The following CYP3A7 variants were observed in gnomAD, a reference collection of about 807,000 sequenced individuals.
CYP3A7 encodes the protein cytochrome P450 3A7.
CYP3A7 carries 45 observed loss-of-function variants against 55.2 expected under a neutral mutation model. The observed-to-expected ratio is 0.82, with a 90% CI of 0.64 to 1.05. The LOEUF (loss-of-function observed/expected upper bound fraction) is 1.05, where lower values mean the gene tolerates loss of function less well. CYP3A7 is among the 50% of genes least tolerant of loss of function. CYP3A7 has a pLI of 0.00. For missense variants in CYP3A7, 548 were observed against 605.3 expected (o/e 0.91, Z 0.99); for synonymous variants, 180 against 207.4 (o/e 0.87, Z 1.13).
intron 11 of CYP3A7, among the ~76,000 whole-genome samples, chr7:99,708,561 C>T (rs546683298): frequency 6.6e-6 from 1 of 152,160 alleles, no homozygotes; most frequent in South Asian, 2.1e-4. Flanking sequence ...AGATAATTTA[C>T]ACAGGCATAT....
Position 99,707,928 on chromosome 7 carries a change from G to C in CYP3A7, c.1300C>G (p.Pro434Ala). Residue 434 changes from proline (P) to alanine (A), a missense_variant, in exon 12 of 13, where the codon CCC becomes GCC. Pro to Ala is a conservative substitution (Grantham distance 27). Transcript: ENST00000336374. ...CAGTTTCTGGGTCCACTTCCAAAGG[G>C]TGTGTATATGTAAGGATCTATGTTG... is the stretch of plus-strand genomic sequence containing the variant. Reference protein sequence around the residue: ...KDNIDPYIYTPFGSGPRNCIG... With the variant: ...KDNIDPYIYTAFGSGPRNCIG... 3 of 1,613,950 alleles carry C rather than the reference G, an allele frequency of 1.9e-6. No homozygotes were observed. Among genetic ancestry groups the C allele is most frequent in the Non-Finnish European group, 2.5e-6 (3 of 1,179,890 alleles).
rs373559144 is a variant in CYP3A7 at position 99,717,572 on chromosome 7, A to G, written c.386T>C (p.Ile129Thr). 1 of 1,613,750 alleles carries G rather than the reference A, an allele frequency of 6.2e-7. No individual in the cohort carries two copies. Among genetic ancestry groups the G allele is most frequent in the Admixed American group, 1.7e-5 (1 of 59,984 alleles). The part of the protein sequence containing the change: ...SIAEDEEWKR[I>T]RSLLSPTFTS... ...GAATGTTGGAGACAGCAATGATCGT[A>G]TTCTCTTCCATTCTTCATCCTCAGC... The change falls in exon 5 of 13, where the codon ATA becomes ACA. Residue 129 changes from isoleucine to threonine, a missense_variant. By Grantham distance (89) the Ile-to-Thr change is moderately conservative. Transcript: ENST00000336374.
In CYP3A7 at chr7:99,707,809, G is replaced by T; in HGVS notation, c.1416+3C>A. ...ACATTATTAATGCAGAAAATTGACT[G>T]ACCTGTGTTTCTTTACAAGGTTTGA... is the stretch of plus-strand genomic sequence containing the variant. On this transcript the variant is annotated splice_donor_region_variant and intron_variant, in intron 12 of 12. Transcript: ENST00000336374. The T allele has an allele frequency of 1.9e-6, 3 of 1,613,764 alleles. No individual in the cohort carries two copies.
chr7:99,722,450 G>T, intron 2 of CYP3A7, 102 bp from the exon 3 acceptor site: 1 of 1,433,076 alleles, frequency 7.0e-7, no homozygotes, highest in Non-Finnish European at 9.6e-7. Flanking sequence ...AATTAGACTT[G>T]CTGGCAGTTA....
chr7:99,705,448 G>T lies in CYP3A7; in HGVS notation c.*52C>A. 3.2e-6 allele frequency: 5 copies of T among 1,585,336 alleles called. No homozygotes were observed. The South Asian group carries it at 4.4e-5, about 14-fold the overall frequency. On this transcript the variant is annotated 3_prime_UTR_variant, in exon 13 of 13. Coordinates refer to ENST00000336374, the MANE Select transcript of CYP3A7 (RefSeq NM_000765.5). ...TTTGTAAAGTAATTTGAGGTCTCTG[G>T]TGTTCTGGGGCACAGCTTTCTTAAA...
chr7:99,717,690 C>A (rs779051922), intron 4 of CYP3A7, 51 bp from the exon 5 acceptor site: 42 of 1,600,436 alleles, frequency 2.6e-5, no homozygotes, highest in Middle Eastern at 3.3e-4. Context: ...TGGAGGTCTC[C>A]ATGGTTGTAG....
intron 3 of CYP3A7, 93 bp downstream of exon 3, chr7:99,722,203 G>T: frequency 1.3e-6 from 2 of 1,515,822 alleles, no homozygotes; most frequent in Non-Finnish European, 1.8e-6. Flanking sequence ...GAGCTTCATC[G>T]CAAGAGGCTC....
chr7:99,707,076 C>A (rs1486612127), intron 12 of CYP3A7, among the ~76,000 whole-genome samples: 4 of 152,096 alleles, frequency 2.6e-5, no homozygotes, highest in Admixed American at 2.6e-4. Context: ...CTTGGAGGGG[C>A]TTGGGAATTG....
chr7:99,707,967 T>C lies in CYP3A7; in HGVS notation c.1261A>G (p.Lys421Glu), dbSNP rs1813586816. The C allele has an allele frequency of 6.2e-7, 1 of 1,613,882 alleles. No individual in the cohort carries two copies. Among genetic ancestry groups the C allele is most frequent in the Non-Finnish European group, 8.5e-7 (1 of 1,179,794 alleles). ...PEKFLPERFS[K>E]KNKDNIDPYI... Reference sequence around the variant, plus strand: ...GGATCTATGTTGTCCTTGTTCTTTTTACTGAACCTGGTTCCATATTGGTAG... The same window carrying C: ...GGATCTATGTTGTCCTTGTTCTTTTCACTGAACCTGGTTCCATATTGGTAG... Residue 421 changes from lysine (K) to glutamate (E), a missense_variant, in exon 12 of 13, where the codon AAA becomes GAA. Transcript: ENST00000336374.
At chr7:99,711,447 C>T (rs1457593966) in intron 9 of CYP3A7, among the ~76,000 whole-genome samples, 4 of 152,090 alleles carry the variant, frequency 2.6e-5, no homozygotes, top group Non-Finnish European at 5.9e-5. Context: ...AAGTGTGGTC[C>T]GTGGATCATA....
intron 2 of CYP3A7, among the ~76,000 whole-genome samples, chr7:99,727,401 A>G (rs1584522567): frequency 6.6e-6 from 1 of 152,266 alleles, no homozygotes; most frequent in East Asian, 1.9e-4. Context: ...CTCACACCTG[A>G]TGCATATACT....
intron 4 of CYP3A7, among the ~76,000 whole-genome samples, chr7:99,719,850 T>C (rs1584515531): frequency 6.6e-6 from 1 of 152,092 alleles, no homozygotes; most frequent in East Asian, 1.9e-4. Context: ...ATACAAAAAT[T>C]AGTAGGGCGT....
At chr7:99,720,529 A>T in intron 3 of CYP3A7, 117 bp from the exon 4 acceptor site, 1 of 1,131,876 alleles carries the variant, frequency 8.8e-7, no homozygotes, top group Non-Finnish European at 1.3e-6. Flanking sequence ...TGTACAATAC[A>T]CAGTAATCTT....
At chr7:99,717,444 A>G (rs766702937) in intron 5 of CYP3A7, 82 bp downstream of exon 5, 19 of 1,592,924 alleles carry the variant, frequency 1.2e-5, no homozygotes, top group Non-Finnish European at 1.6e-5. Context: ...CTCCTCGGAA[A>G]GGAACTCTGA....
chr7:99,708,924 A>T, intron 11 of CYP3A7, 111 bp downstream of exon 11: 1 of 1,259,820 alleles, frequency 7.9e-7, no homozygotes, highest in African/African-American at 1.5e-5. Flanking sequence ...AACCTTTTAA[A>T]CATAAAAAGA....
intron 2 of CYP3A7, 53 bp downstream of exon 2, chr7:99,731,006 A>G (rs2151534862): frequency 1.9e-6 from 3 of 1,602,100 alleles, no homozygotes; most frequent in Non-Finnish European, 2.6e-6. Flanking sequence ...TGATGGAACT[A>G]AGTTGCTCTT....
chr7:99,708,054 G>T (rs765418485), intron 11 of CYP3A7, 80 bp from the exon 12 acceptor site: 15 of 1,596,264 alleles, frequency 9.4e-6, no homozygotes, highest in Non-Finnish European at 1.3e-5. Flanking sequence ...TCTTACTTAG[G>T]GCCCACCCCT....
chr7:99,727,813 C>G (rs1814469808), intron 2 of CYP3A7, among the ~76,000 whole-genome samples: 1 of 152,172 alleles, frequency 6.6e-6, no homozygotes, highest in African/African-American at 2.4e-5. Flanking sequence ...TATACTGACT[C>G]TAAATGCTGT....
In CYP3A7 at chr7:99,722,295, C is replaced by T. The variant is rs775378849; in HGVS notation, c.218+1G>A. The T allele has an allele frequency of 6.2e-7, 1 of 1,613,622 alleles. No homozygotes were observed. The highest frequency in any genetic ancestry group is 2.2e-5 in the East Asian group (1 of 44,826). On this transcript the variant is annotated splice_donor_variant, in intron 3 of 12. Transcript: ENST00000336374. LOFTEE classifies it high-confidence loss of function. Reference sequence around the variant, plus strand: ...CCAATGGAATCTTCCAGAATACTCACCCCCAGACTTTTCTATACTTTTTAT... The same window carrying T: ...CCAATGGAATCTTCCAGAATACTCATCCCCAGACTTTTCTATACTTTTTAT...
Sources: allele counts gnomAD v4.1 joint callset (sites outside exome capture counted in the v4.1 genomes callset), GRCh38; gene constraint gnomAD v4.1.1; transcripts MANE v1.5; gene names NCBI Gene and HGNC (gene_info 2026-07-23, HGNC 2026-07-21).